The following DMD variants were observed in gnomAD, a reference collection of about 807,000 sequenced individuals.
The protein encoded by DMD is mutant dystrophin.
DMD carries 63 observed loss-of-function variants against 330.1 expected under a neutral mutation model. The ratio of observed to expected loss-of-function variants is 0.19; its 90% CI spans 0.16 to 0.24. DMD has a LOEUF of 0.24. DMD is among the 10% of genes least tolerant of loss of function. The probability of loss-of-function intolerance (pLI) is 1.00; values close to 1 mark genes in which losing one functional copy is unlikely to be tolerated. For synonymous variants in DMD, 1,223 were observed against 959.8 expected (o/e 1.27, Z -5.07); for missense variants, 3,344 against 2,684.1 (o/e 1.25, Z -5.43).
rs1033743103 is a variant in DMD at position 33,239,712 on chromosome X, C to T, written c.7+99547G>A. Among the ~76,000 whole-genome samples the T allele has an allele frequency of 2.7e-5, 3 of 111,490 alleles. 1 individual carries two copies. The highest frequency in any genetic ancestry group is 9.8e-5 in the African/African-American group (3 of 30,670). On this transcript the variant is annotated intron_variant, in intron 1 of 17. Transcript: ENST00000288447. ...TACATTGTGATATGGTTAAATCTAGCTAATTAACAAATGCATTCCCTCACA... is the reference window on the plus strand; with the variant it reads ...TACATTGTGATATGGTTAAATCTAGTTAATTAACAAATGCATTCCCTCACA...
chrX:31,150,237 C>A (rs1400791759), intron 74 of DMD, among the ~76,000 whole-genome samples: 3 of 111,778 alleles, frequency 2.7e-5, no homozygotes, highest in African/African-American at 9.7e-5. Context: ...CACAGAAGAT[C>A]CTCGTTGTTC....
At chrX:32,274,649 T>G (rs1196715231) in intron 43 of DMD, among the ~76,000 whole-genome samples, 1 of 112,260 alleles carries the variant, frequency 8.9e-6, no homozygotes, top group Non-Finnish European at 1.9e-5. Context: ...TTTAAATTCT[T>G]TCACCACCTG....
intron 44 of DMD, among the ~76,000 whole-genome samples, chrX:32,118,943 G>A (rs768187604): frequency 2.2e-4 from 25 of 111,285 alleles, no homozygotes; most frequent in Non-Finnish European, 4.5e-4. Context: ...TACCGCTGCT[G>A]AGCTGATAGA....
chrX:32,440,753 C>T (rs769485685), intron 28 of DMD, among the ~76,000 whole-genome samples: 12 of 111,329 alleles, frequency 1.1e-4, no homozygotes, highest in East Asian at 5.7e-4. Flanking sequence ...CAAAACATTC[C>T]GTAAGGTGTA....
At chrX:31,342,262 C>T (rs1158820700) in intron 61 of DMD, among the ~76,000 whole-genome samples, 2 of 111,652 alleles carry the variant, frequency 1.8e-5, no homozygotes, top group African/African-American at 3.3e-5. Context: ...AATTGGATCA[C>T]GTTTCTACAA....
chrX:32,369,880 AG>A (rs1038054331), intron 34 of DMD, among the ~76,000 whole-genome samples: 6 of 111,134 alleles, frequency 5.4e-5, no homozygotes, highest in African/African-American at 1.6e-4. Context: ...TCCCTTTACT[AG>A]GACTCAATTA....
intron 41 of DMD, among the ~76,000 whole-genome samples, chrX:32,338,252 T>C (rs1216882774): frequency 9.0e-6 from 1 of 111,677 alleles, no homozygotes; most frequent in Non-Finnish European, 1.9e-5. Flanking sequence ...CATTCAGAGC[T>C]AGCTGGTAGA....
At chrX:31,987,482 C>T (rs1254221198) in intron 44 of DMD, among the ~76,000 whole-genome samples, 1 of 111,620 alleles carries the variant, frequency 9.0e-6, no homozygotes, top group Admixed American at 9.5e-5. Context: ...TGGTGACCAC[C>T]GTCCATTTAC....
At chrX:31,675,204 A>G (rs2082008837) in intron 53 of DMD, among the ~76,000 whole-genome samples, 1 of 111,842 alleles carries the variant, frequency 8.9e-6, no homozygotes, top group Non-Finnish European at 1.9e-5. Flanking sequence ...AATTGTTGAT[A>G]CTCTATGCCA....
chrX:31,234,595 C>A (rs1227035615), intron 63 of DMD, among the ~76,000 whole-genome samples: 1 of 111,622 alleles, frequency 9.0e-6, no homozygotes, highest in East Asian at 2.8e-4. Flanking sequence ...GTGTACTAAG[C>A]CCAGGGGTTA....
At chrX:32,246,250 T>G (rs1347457120) in intron 43 of DMD, among the ~76,000 whole-genome samples, 10 of 92,069 alleles carry the variant, frequency 1.1e-4, no homozygotes, top group East Asian at 3.5e-4. Flanking sequence ...GCTCTGTTTA[T>G]ATGCTGGATT....
At chrX:31,776,427 A>G (rs2149254063) in intron 50 of DMD, among the ~76,000 whole-genome samples, 1 of 108,945 alleles carries the variant, frequency 9.2e-6, no homozygotes, top group South Asian at 4.1e-4. Flanking sequence ...ACTTCTGACC[A>G]TGAAAGAAGT....
intron 47 of DMD, among the ~76,000 whole-genome samples, chrX:31,908,232 T>A (rs1248002884): frequency 8.9e-6 from 1 of 111,968 alleles, no homozygotes; most frequent in East Asian, 2.8e-4. Flanking sequence ...CCCAAAGGAT[T>A]ATAAATCATG....
chrX:32,885,956 TTGAC>T (rs757307853), intron 2 of DMD, among the ~76,000 whole-genome samples: 22 of 110,531 alleles, frequency 2.0e-4, no homozygotes, highest in Non-Finnish European at 3.4e-4. Flanking sequence ...CTTATTCTGC[TTGAC>T]TAATTTGTAG....
chrX:32,431,370 T>C (rs368163653), intron 29 of DMD, among the ~76,000 whole-genome samples: 6 of 111,833 alleles, frequency 5.4e-5, no homozygotes, highest in African/African-American at 1.3e-4. Flanking sequence ...TAGGTCTTCA[T>C]TGAAGAAATG....
intron 18 of DMD, among the ~76,000 whole-genome samples, chrX:32,502,355 T>G (rs1414852388): frequency 3.6e-5 from 4 of 111,704 alleles, no homozygotes; most frequent in Non-Finnish European, 5.6e-5. Flanking sequence ...TGTAGGCTAA[T>G]TTTTCTTTCA....
At chrX:32,997,283 G>T (rs2093147937) in intron 2 of DMD, among the ~76,000 whole-genome samples, 1 of 106,581 alleles carries the variant, frequency 9.4e-6, no homozygotes, top group Admixed American at 1.0e-4. Context: ...CTCGCCCTGT[G>T]CACCCAGGCT....
chrX:33,163,397 A>G (rs2048866698), intron 1 of DMD, among the ~76,000 whole-genome samples: 1 of 109,018 alleles, frequency 9.2e-6, no homozygotes, highest in Non-Finnish European at 1.9e-5. Flanking sequence ...TTAGCCAGGC[A>G]TGGTGGCACA....
At chrX:31,253,444 T>C (rs1331768547) in intron 63 of DMD, among the ~76,000 whole-genome samples, 1 of 111,587 alleles carries the variant, frequency 9.0e-6, no homozygotes, top group Non-Finnish European at 1.9e-5. Context: ...AAGGAATTCA[T>C]AGTCATTCAG....
Sources: gnomAD v4.1 joint callset for allele counts (sites outside exome capture counted in the v4.1 genomes callset) on GRCh38, gnomAD v4.1.1 for gene constraint, MANE v1.5 for transcripts, NCBI Gene and HGNC (gene_info 2026-07-23, HGNC 2026-07-21) for gene names.